The following PCM1 variants were observed in gnomAD, a reference collection of about 807,000 sequenced individuals.
PCM1 encodes pericentriolar material 1.
Under a neutral mutation model 241.9 loss-of-function variants are expected in PCM1, and 157 were observed. That is an observed-to-expected ratio of 0.65 (90% CI 0.57 to 0.74). The LOEUF is 0.74. Among genes scored for constraint, PCM1 ranks in the 30% least tolerant of loss-of-function variants. The pLI is 0.00. For missense variants in PCM1, 3,478 were observed against 2,360.1 expected (o/e 1.47, Z -9.81); for synonymous variants, 1,085 against 784.9 (o/e 1.38, Z -6.39).
intron 24 of PCM1, among the ~76,000 whole-genome samples, chr8:17,982,926 A>G (rs2081378233): frequency 6.6e-6 from 1 of 152,222 alleles, no homozygotes; most frequent in Non-Finnish European, 1.5e-5. Flanking sequence ...CTAGTATTAA[A>G]TTACGCAGTC....
chr8:17,929,578 G>C (rs184347640), intron 2 of PCM1, among the ~76,000 whole-genome samples: 3 of 152,244 alleles, frequency 2.0e-5, no homozygotes, highest in South Asian at 2.1e-4. Flanking sequence ...TTTCTTTTCT[G>C]ATCAGTTTAA....
At chr8:18,019,458 A>G (rs543274433) in intron 36 of PCM1, among the ~76,000 whole-genome samples, 1 of 152,262 alleles carries the variant, frequency 6.6e-6, no homozygotes, top group South Asian at 2.1e-4. Context: ...TATTATTATT[A>G]CGTTATATAA....
intron 1 of PCM1, 124 bp from the exon 2 acceptor site, chr8:17,924,589 T>G (rs1004512302): frequency 6.6e-6 from 1 of 152,220 alleles, no homozygotes; most frequent in East Asian, 1.9e-4. Flanking sequence ...ATGAATAAGT[T>G]ATATTTTTCC....
At chr8:17,965,244 C>T (rs2074383270) in intron 18 of PCM1, among the ~76,000 whole-genome samples, 1 of 152,134 alleles carries the variant, frequency 6.6e-6, no homozygotes, top group Non-Finnish European at 1.5e-5. Context: ...TTCAGTGACC[C>T]AGAAGCTGCC....
At chr8:17,992,504 A>G (rs2085035323) in intron 28 of PCM1, among the ~76,000 whole-genome samples, 1 of 151,638 alleles carries the variant, frequency 6.6e-6, no homozygotes, top group Admixed American at 6.6e-5. Flanking sequence ...CCTGATAATT[A>G]GTGATGTTAG....
chr8:17,941,050 A>T (rs558645900), intron 6 of PCM1, among the ~76,000 whole-genome samples: 4 of 152,100 alleles, frequency 2.6e-5, no homozygotes, highest in Admixed American at 2.6e-4. Context: ...GGACCTTCCT[A>T]ATTTGAAGAG....
At position 17,960,005 on chromosome 8, in the gene PCM1, C is replaced by A; in HGVS notation, c.2041-9C>A. ...TCAAGATTGTTTTAATGTAATGATG[C>A]TCTTTCAGGATGATGATGCAGCTCA... On this transcript the variant is annotated splice_polypyrimidine_tract_variant and intron_variant, in intron 13 of 38. Transcript: ENST00000325083. The A allele has an allele frequency of 1.2e-6, 2 of 1,610,978 alleles. No individual in the cohort carries two copies. Among genetic ancestry groups the A allele is most frequent in the Non-Finnish European group, 1.7e-6 (2 of 1,178,456 alleles).
chr8:17,933,945 A>G (rs1190802285), intron 2 of PCM1, among the ~76,000 whole-genome samples: 3 of 152,162 alleles, frequency 2.0e-5, no homozygotes, highest in Non-Finnish European at 4.4e-5. Context: ...GAATTATTAA[A>G]GTAATATATG....
intron 24 of PCM1, 149 bp downstream of exon 24, chr8:17,980,904 TACTGAAAA>T: frequency 1.9e-6 from 1 of 530,540 alleles, no homozygotes; most frequent in Non-Finnish European, 3.2e-6. Context: ...CATTCCTTGA[TACTGAAAA>T]ATAAAAACTG....
At chr8:17,937,613 A>G (rs995260206) in intron 4 of PCM1, among the ~76,000 whole-genome samples, 3 of 152,188 alleles carry the variant, frequency 2.0e-5, no homozygotes, top group Non-Finnish European at 2.9e-5. Context: ...ATACTATGTT[A>G]TATGACTAAC....
chr8:18,019,788 CCTGGTTCTTAACAGGCCCTGGA>C (rs1371575923), intron 36 of PCM1, among the ~76,000 whole-genome samples: 1 of 152,142 alleles, frequency 6.6e-6, no homozygotes, highest in Non-Finnish European at 1.5e-5. Flanking sequence ...TGCTATTTGG[CCTGGTTCTTAACAGGCCCTGGA>C]CTGGTACTGG....
In PCM1 at chr8:17,942,271, A is replaced by C. The variant is rs186482482; in HGVS notation, c.783+2410A>C. ...CACCTGAGGTCAGGGGTTTGGGACC[A>C]TCCTGGCCAACATGGCGAAACCCTG... On this transcript the variant is annotated intron_variant, in intron 6 of 38. Transcript: ENST00000325083. Among the ~76,000 whole-genome samples the C allele has an allele frequency of 2.9e-4, 44 of 152,258 alleles. No individual in the cohort carries two copies. In the East Asian group the frequency reaches 7.5e-3, roughly 26 times the overall value.
Position 17,960,533 on chromosome 8 carries a change from C to CTTTTTCTTTTT in PCM1, c.2322+94_2322+95insCTTTTTTTTTT, listed in dbSNP as rs754202912. 2.5e-4 allele frequency: 150 copies of CTTTTTCTTTTT among 604,518 alleles called. 2 individuals carry two copies. The Admixed American group carries it at 4.7e-3, about 19-fold the overall frequency. The allele number at this position is 604,518 out of a possible 1,614,324, so 37.4% of individuals were successfully genotyped here. Reference sequence around the variant, plus strand: ...AGTACTCTTTTTTGTTTTTGTTTTTCTTTTTTTTTGAGGCAGAGTCTCACT... The same window carrying CTTTTTCTTTTT: ...AGTACTCTTTTTTGTTTTTGTTTTTCTTTTTCTTTTTTTTTTTTTTGAGGCAGAGTCTCACT... On this transcript the variant is annotated intron_variant, in intron 15 of 38. Coordinates refer to ENST00000325083, the MANE Select transcript of PCM1 (RefSeq NM_006197.4).
chr8:18,005,282 A>C (rs1377637422), intron 29 of PCM1, among the ~76,000 whole-genome samples: 1 of 151,650 alleles, frequency 6.6e-6, no homozygotes, highest in Non-Finnish European at 1.5e-5. Flanking sequence ...GCTTATAGTG[A>C]TTATTTATAT....
chr8:17,937,880 A>G (rs1227958482), intron 4 of PCM1, among the ~76,000 whole-genome samples: 1 of 152,188 alleles, frequency 6.6e-6, no homozygotes, highest in African/African-American at 2.4e-5. Context: ...AGACACACAC[A>G]TTTCCAAAAA....
intron 28 of PCM1, among the ~76,000 whole-genome samples, chr8:17,992,471 G>T (rs2085022914): frequency 6.6e-6 from 1 of 152,022 alleles, no homozygotes; most frequent in Non-Finnish European, 1.5e-5. Context: ...TCACATTGTA[G>T]TTTGTGCTTT....
At position 17,957,729 on chromosome 8, in the gene PCM1, C is replaced by T. The variant is rs746361859; in HGVS notation, c.1994C>T (p.Ala665Val). The T allele has an allele frequency of 2.5e-6, 4 of 1,613,462 alleles. No homozygotes were observed. The highest frequency in any genetic ancestry group is 1.7e-4 in the Middle Eastern group (1 of 6,042). ...CAGAAGATCAACCGACTTATGGCTG[C>T]AAAACAGAAACTTAGACAGTTACAA... is the stretch of plus-strand genomic sequence containing the variant. ...FEQKINRLMAAKQKLRQLQDL... is the reference protein window; with the variant it reads ...FEQKINRLMAVKQKLRQLQDL... Residue 665 changes from alanine to valine, a missense_variant, in exon 13 of 39, where the codon GCA (alanine) becomes GTA (valine). Coordinates refer to ENST00000325083, the MANE Select transcript of PCM1 (RefSeq NM_006197.4).
chr8:17,970,623 TCA>T (rs2076520414), intron 22 of PCM1, among the ~76,000 whole-genome samples: 2 of 152,268 alleles, frequency 1.3e-5, no homozygotes, highest in Middle Eastern at 3.4e-3. Context: ...CAGTGTTAGT[TCA>T]CAGTTGCCAT....
At chr8:17,943,843 G>A (rs549856848) in intron 6 of PCM1, among the ~76,000 whole-genome samples, 1 of 152,112 alleles carries the variant, frequency 6.6e-6, no homozygotes, top group Non-Finnish European at 1.5e-5. Flanking sequence ...GTAGTATTCT[G>A]TTAGAATAGT....
Sources: gnomAD v4.1 joint callset for allele counts (sites outside exome capture counted in the v4.1 genomes callset) on GRCh38, gnomAD v4.1.1 for gene constraint, MANE v1.5 for transcripts, NCBI Gene and HGNC (gene_info 2026-07-23, HGNC 2026-07-21) for gene names.